The following ME1 variants were observed in gnomAD, a reference collection of about 807,000 sequenced individuals.
The protein encoded by ME1 is malic enzyme 1.
In ME1, 74 loss-of-function variants were observed where a neutral mutation model predicts 66.4. The observed-to-expected ratio is 1.11, with a 90% CI of 0.92 to 1.35. The LOEUF (loss-of-function observed/expected upper bound fraction) is 1.35, where lower values mean the gene tolerates loss of function less well. Ranked by LOEUF, ME1 falls within the 40% of genes most tolerant of loss-of-function variation. The pLI is 0.00. For synonymous variants in ME1, 251 were observed against 235.6 expected (o/e 1.07, Z -0.60); for missense variants, 750 against 694.1 (o/e 1.08, Z -0.90).
In ME1 at chr6:83,211,259, G is replaced by C. The variant is rs1430034314; in HGVS notation, c.*665C>G. On this transcript the variant is annotated 3_prime_UTR_variant, in exon 14 of 14. Transcript: ENST00000369705. ...CAAGGGGGAAAAAAGGTGATTTCAG[G>C]TGGGATTTCTGACTCAGGATCAAGG... 1 of 152,594 alleles carries C rather than the reference G, an allele frequency of 6.6e-6. No individual in the cohort carries two copies. Among genetic ancestry groups the C allele is most frequent in the Non-Finnish European group, 1.5e-5 (1 of 68,050 alleles). The allele number at this position is 152,594 out of a possible 1,614,324, so 9.5% of individuals were successfully genotyped here. A position where few individuals can be genotyped will look rare whatever the true frequency, so the allele number is the denominator to read the frequency against.
At chr6:83,387,670 C>T (rs1769536641) in intron 3 of ME1, among the ~76,000 whole-genome samples, 1 of 151,982 alleles carries the variant, frequency 6.6e-6, no homozygotes, top group Non-Finnish European at 1.5e-5. Context: ...TTTTGGGATT[C>T]TAAAGGAAAT....
chr6:83,400,661 C>T (rs1342306436), intron 2 of ME1, among the ~76,000 whole-genome samples: 2 of 152,166 alleles, frequency 1.3e-5, no homozygotes, highest in African/African-American at 4.8e-5. Flanking sequence ...AAAGCCATCC[C>T]AGCCTACATT....
At chr6:83,278,990 A>G (rs1258632306) in intron 6 of ME1, among the ~76,000 whole-genome samples, 1 of 152,158 alleles carries the variant, frequency 6.6e-6, no homozygotes, top group Non-Finnish European at 1.5e-5. Flanking sequence ...ACTATAGTAA[A>G]CAACCCCTTC....
At chr6:83,357,945 A>ATC (rs1188176021) in intron 3 of ME1, among the ~76,000 whole-genome samples, 18 of 68,292 alleles carry the variant, frequency 2.6e-4, no homozygotes, top group Admixed American at 2.1e-4. Flanking sequence ...CTATATATAT[A>ATC]TATATATATA....
chr6:83,344,013 GT>G (rs1421028763), intron 5 of ME1, among the ~76,000 whole-genome samples: 4 of 149,466 alleles, frequency 2.7e-5, no homozygotes, highest in Non-Finnish European at 5.9e-5. Context: ...GTTTAAAACT[GT>G]TTAAAACTTC....
At chr6:83,230,448 A>G (rs534124880) in intron 9 of ME1, among the ~76,000 whole-genome samples, 2 of 152,294 alleles carry the variant, frequency 1.3e-5, no homozygotes, top group South Asian at 4.1e-4. Context: ...GTAAATAAGG[A>G]TAATAAGGAC....
At chr6:83,224,024 T>C (rs1790141825) in intron 11 of ME1, 91 bp from the exon 12 acceptor site, 1 of 1,115,756 alleles carries the variant, frequency 9.0e-7, no homozygotes, top group Non-Finnish European at 1.3e-6. Context: ...CAGCCTAAAT[T>C]ATAAGTACTT....
intron 4 of ME1, among the ~76,000 whole-genome samples, chr6:83,348,772 G>C (rs1011573691): frequency 4.0e-5 from 6 of 150,906 alleles, no homozygotes; most frequent in African/African-American, 1.5e-4. Flanking sequence ...CGGATCACCT[G>C]AGGTCAGGAG....
chr6:83,241,348 C>T (rs1790505078), intron 7 of ME1, among the ~76,000 whole-genome samples: 1 of 152,104 alleles, frequency 6.6e-6, no homozygotes, highest in Non-Finnish European at 1.5e-5. Flanking sequence ...CCAATTGAAG[C>T]ATCAAAGTTG....
intron 6 of ME1, among the ~76,000 whole-genome samples, chr6:83,297,451 A>C (rs985470103): frequency 6.6e-6 from 1 of 152,212 alleles, no homozygotes; most frequent in African/African-American, 2.4e-5. Flanking sequence ...CAGAACTAGA[A>C]AAGGCTATTG....
intron 1 of ME1, among the ~76,000 whole-genome samples, chr6:83,425,704 A>G (rs1035016543): frequency 6.6e-6 from 1 of 152,172 alleles, no homozygotes; most frequent in Non-Finnish European, 1.5e-5. Flanking sequence ...CAGACAAACC[A>G]TATCAAACAC....
chr6:83,350,436 C>G (rs1215562340), intron 4 of ME1, among the ~76,000 whole-genome samples: 3 of 152,140 alleles, frequency 2.0e-5, no homozygotes, highest in African/African-American at 4.8e-5. Context: ...TACTGCAGAA[C>G]TATTTCCTCT....
At chr6:83,368,086 A>C (rs1025268481) in intron 3 of ME1, among the ~76,000 whole-genome samples, 1 of 152,050 alleles carries the variant, frequency 6.6e-6, no homozygotes, top group African/African-American at 2.4e-5. Context: ...TGAGATGAGA[A>C]CTGCTGTCAG....
intron 3 of ME1, among the ~76,000 whole-genome samples, chr6:83,397,641 T>C (rs997341290): frequency 2.6e-5 from 4 of 152,048 alleles, no homozygotes; most frequent in Non-Finnish European, 1.5e-5. Flanking sequence ...CCAAAGGAAA[T>C]GAAATCAGTA....
At chr6:83,282,108 AG>A (rs1767308124) in intron 6 of ME1, among the ~76,000 whole-genome samples, 1 of 151,992 alleles carries the variant, frequency 6.6e-6, no homozygotes, top group Admixed American at 6.6e-5. Flanking sequence ...GAACTAATCA[AG>A]GCAGACAAAT....
chr6:83,310,808 G>A (rs929972731), intron 6 of ME1, among the ~76,000 whole-genome samples: 1 of 152,164 alleles, frequency 6.6e-6, no homozygotes, highest in Non-Finnish European at 1.5e-5. Flanking sequence ...GCCCTCCTTT[G>A]TAGATACAAA....
chr6:83,289,377 T>C (rs1320885282), intron 6 of ME1, among the ~76,000 whole-genome samples: 2 of 152,204 alleles, frequency 1.3e-5, no homozygotes, highest in Non-Finnish European at 2.9e-5. Context: ...TGAATATTGT[T>C]GAAGGCCTTT....
intron 7 of ME1, among the ~76,000 whole-genome samples, chr6:83,253,004 C>A (rs1790749588): frequency 6.6e-6 from 1 of 152,130 alleles, no homozygotes; most frequent in Non-Finnish European, 1.5e-5. Flanking sequence ...TTTCAAGTTG[C>A]AAAACCTCTT....
chr6:83,279,115 C>A (rs765266517), intron 6 of ME1, among the ~76,000 whole-genome samples: 1 of 152,072 alleles, frequency 6.6e-6, no homozygotes, highest in South Asian at 2.1e-4. Context: ...AATCCAAAGA[C>A]AAGAGGTTAG....
Sources: gnomAD v4.1 joint callset for allele counts (sites outside exome capture counted in the v4.1 genomes callset) on GRCh38, gnomAD v4.1.1 for gene constraint, MANE v1.5 for transcripts, NCBI Gene and HGNC (gene_info 2026-07-23, HGNC 2026-07-21) for gene names.